MTPN: variants seen among roughly 807,000 people sequenced by gnomAD.
The protein encoded by MTPN is myotrophin.
In MTPN, 2 loss-of-function variants were observed where a neutral mutation model predicts 13.5. The ratio of observed to expected loss-of-function variants is 0.15; its 90% CI spans 0.06 to 0.47. The LOEUF is 0.47. MTPN is among the 20% of genes least tolerant of loss of function. The pLI, the probability that MTPN is intolerant of heterozygous loss-of-function variation, is 0.97. For missense variants in MTPN, 79 were observed against 137.9 expected, an observed-to-expected ratio of 0.57 and a Z score of 2.14; for synonymous variants, 46 against 51.7, an observed-to-expected ratio of 0.89 and a Z score of 0.48.
chr7:135,928,044 T>G lies in MTPN; in HGVS notation c.*1882A>C, dbSNP rs549932892. 5.1e-6 allele frequency: 1 copy of G among 195,084 alleles called. No individual in the cohort carries two copies. Among genetic ancestry groups the G allele is most frequent in the South Asian group, 1.2e-4 (1 of 8,520 alleles). 12.1% of individuals were successfully genotyped at this position (195,084 alleles called of 1,614,324 possible). A position where few individuals can be genotyped will look rare whatever the true frequency, so the allele number is the denominator to read the frequency against. On this transcript the variant is annotated 3_prime_UTR_variant, in exon 4 of 4. Transcript: ENST00000393085. Reference sequence around the variant, plus strand: ...TTGCACTACGTTGATAGTTATAGACTGATAGAGTGCCCTCCATTTTCAATG... The same window carrying G: ...TTGCACTACGTTGATAGTTATAGACGGATAGAGTGCCCTCCATTTTCAATG...
intron 1 of MTPN, among the ~76,000 whole-genome samples, chr7:135,951,917 G>T (rs1321363165): frequency 6.6e-6 from 1 of 152,154 alleles, no homozygotes; most frequent in Non-Finnish European, 1.5e-5. Flanking sequence ...AGTTCAATCA[G>T]CATAGTGTCA....
chr7:135,943,503 CA>C (rs1464783649), intron 3 of MTPN, among the ~76,000 whole-genome samples: 1 of 152,084 alleles, frequency 6.6e-6, no homozygotes, highest in Non-Finnish European at 1.5e-5. Context: ...TGTTACCAGA[CA>C]AGATGGTTTT....
chr7:135,962,035 C>A (rs1478533198), intron 1 of MTPN, among the ~76,000 whole-genome samples: 1 of 151,888 alleles, frequency 6.6e-6, no homozygotes, highest in Non-Finnish European at 1.5e-5. Context: ...ACACAGCAGG[C>A]ATGATTAATA....
chr7:135,940,013 C>G (rs962139505), intron 3 of MTPN, among the ~76,000 whole-genome samples: 3 of 152,118 alleles, frequency 2.0e-5, no homozygotes, highest in South Asian at 2.1e-4. Flanking sequence ...TAAGTATGTA[C>G]TACTGTATCA....
intron 1 of MTPN, among the ~76,000 whole-genome samples, chr7:135,964,292 C>T (rs1799573255): frequency 6.6e-6 from 1 of 152,072 alleles, no homozygotes; most frequent in Non-Finnish European, 1.5e-5. Context: ...ATCTTATCTG[C>T]TGTATGTTTT....
At chr7:135,968,418 C>T (rs1295927141) in intron 1 of MTPN, among the ~76,000 whole-genome samples, 1 of 151,214 alleles carries the variant, frequency 6.6e-6, no homozygotes, top group African/African-American at 2.4e-5. Context: ...CCTCTTTACA[C>T]TGGTAATTTT....
chr7:135,939,206 C>A (rs899331921), intron 3 of MTPN, among the ~76,000 whole-genome samples: 3 of 152,040 alleles, frequency 2.0e-5, no homozygotes, highest in Non-Finnish European at 4.4e-5. Context: ...ATGAAGACTT[C>A]GAAAAACGTA....
intron 3 of MTPN, among the ~76,000 whole-genome samples, chr7:135,943,656 C>CAG (rs1278363155): frequency 6.6e-6 from 1 of 152,114 alleles, no homozygotes; most frequent in African/African-American, 2.4e-5. Flanking sequence ...AGTTAACTTA[C>CAG]AGAGTGGTCT....
At chr7:135,956,594 A>G (rs1485026495) in intron 1 of MTPN, among the ~76,000 whole-genome samples, 1 of 152,114 alleles carries the variant, frequency 6.6e-6, no homozygotes, top group African/African-American at 2.4e-5. Context: ...AGAGGACATG[A>G]TCTCCCTCAG....
At chr7:135,961,272 T>C (rs151118478) in intron 1 of MTPN, among the ~76,000 whole-genome samples, 14 of 152,152 alleles carry the variant, frequency 9.2e-5, no homozygotes, top group South Asian at 4.1e-4. Flanking sequence ...CCTGAGCCTA[T>C]AGATTATAAG....
intron 3 of MTPN, among the ~76,000 whole-genome samples, chr7:135,931,872 T>TG (rs1207045285): frequency 2.0e-5 from 3 of 152,292 alleles, no homozygotes; most frequent in Non-Finnish European, 2.9e-5. Context: ...TATATATAGA[T>TG]GGGGTATGTG....
intron 1 of MTPN, among the ~76,000 whole-genome samples, chr7:135,966,874 C>A (rs577483773): frequency 1.3e-5 from 2 of 152,288 alleles, no homozygotes; most frequent in African/African-American, 4.8e-5. Flanking sequence ...GGGAACTCCT[C>A]AAGCACAGGA....
intron 1 of MTPN, among the ~76,000 whole-genome samples, chr7:135,957,743 C>T (rs74561642): frequency 0.052 from 7,890 of 152,148 alleles, 251 homozygotes; most frequent in East Asian, 0.093. Flanking sequence ...TTAATGTTCT[C>T]ACTGGGTGTG....
Position 135,950,627 on chromosome 7 carries a change from A to G in MTPN, c.242T>C (p.Val81Ala). Residue 81 changes from valine (V) to alanine (A), a missense_variant, in exon 3 of 4, where the codon GTT becomes GCT. Val to Ala is a moderately conservative substitution (Grantham distance 64). Transcript: ENST00000393085. The part of the protein sequence containing the change: ...PLLSAVYEGH[V>A]SCVKLLLSKG... ...TGACAGAAGCAATTTCACACAGGAA[A>G]CATGACCCTCATAGACAGCAGACAG... 1 of 1,613,508 alleles carries G rather than the reference A, an allele frequency of 6.2e-7. No individual in the cohort carries two copies. The highest frequency in any genetic ancestry group is 1.1e-5 in the South Asian group (1 of 91,028).
intron 1 of MTPN, among the ~76,000 whole-genome samples, chr7:135,968,486 T>C (rs927917453): frequency 1.3e-5 from 2 of 152,106 alleles, no homozygotes; most frequent in Admixed American, 6.6e-5. Flanking sequence ...TTAGTAAAGA[T>C]ATAGCTGCAA....
chr7:135,941,382 A>G (rs1461607422), intron 3 of MTPN, among the ~76,000 whole-genome samples: 5 of 152,232 alleles, frequency 3.3e-5, no homozygotes, highest in Admixed American at 6.5e-5. Flanking sequence ...CTTCTCCAAC[A>G]ATGGGGAATG....
At chr7:135,963,280 T>A (rs1799552193) in intron 1 of MTPN, among the ~76,000 whole-genome samples, 1 of 151,950 alleles carries the variant, frequency 6.6e-6, no homozygotes, top group Non-Finnish European at 1.5e-5. Context: ...GTCCCTCCTT[T>A]CCTAATACTC....
intron 3 of MTPN, among the ~76,000 whole-genome samples, chr7:135,940,470 CCCTT>C (rs1261107123): frequency 6.6e-6 from 1 of 152,106 alleles, no homozygotes; most frequent in Admixed American, 6.6e-5. Flanking sequence ...ATTGTTACCT[CCCTT>C]ACATTTTTCG....
chr7:135,974,824 G>A (rs1799748273), intron 1 of MTPN, among the ~76,000 whole-genome samples: 1 of 152,212 alleles, frequency 6.6e-6, no homozygotes, highest in Admixed American at 6.5e-5. Flanking sequence ...GAAGACAGCT[G>A]TGGGGCAGAA....
Sources: allele counts gnomAD v4.1 joint callset (sites outside exome capture counted in the v4.1 genomes callset), GRCh38; gene constraint gnomAD v4.1.1; transcripts MANE v1.5; gene names NCBI Gene and HGNC (gene_info 2026-07-23, HGNC 2026-07-21).